Variants in CDH18 observed in about 807,000 individuals in gnomAD.
The protein encoded by CDH18 is cadherin 18, also known as cadherin-18.
A neutral mutation model predicts 67.9 loss-of-function variants in CDH18; 31 were observed. The observed-to-expected ratio is 0.46, with a 90% CI of 0.34 to 0.62. The LOEUF (loss-of-function observed/expected upper bound fraction) is 0.62. Ranked by LOEUF, CDH18 falls within the 20% of genes least tolerant of loss-of-function variation. The probability of loss-of-function intolerance (pLI) is 0.01; values close to 1 mark genes in which losing one functional copy is unlikely to be tolerated. For missense variants in CDH18, 890 were observed against 975.5 expected, an observed-to-expected ratio of 0.91 and a Z score of 1.17; for synonymous variants, 362 against 347.2, an observed-to-expected ratio of 1.04 and a Z score of -0.48.
At chr5:19,640,912 G>A (rs1279516162) in intron 5 of CDH18, among the ~76,000 whole-genome samples, 1 of 151,740 alleles carries the variant, frequency 6.6e-6, no homozygotes, top group Non-Finnish European at 1.5e-5. Context: ...TTTTGTGAAA[G>A]ATAATATTGA....
chr5:20,367,777 T>C (rs1399573851), intron 1 of CDH18, among the ~76,000 whole-genome samples: 1 of 152,244 alleles, frequency 6.6e-6, no homozygotes, highest in African/African-American at 2.4e-5. Context: ...CTGTATTCTT[T>C]TCCTTTTAGG....
intron 2 of CDH18, among the ~76,000 whole-genome samples, chr5:20,185,457 T>A (rs1442100209): frequency 6.6e-6 from 1 of 152,082 alleles, no homozygotes; most frequent in African/African-American, 2.4e-5. Flanking sequence ...AATAAAGTCC[T>A]TAGACTGTAT....
At chr5:19,977,946 T>C (rs1424447269) in intron 2 of CDH18, among the ~76,000 whole-genome samples, 4 of 152,174 alleles carry the variant, frequency 2.6e-5, no homozygotes, top group South Asian at 2.1e-4. Context: ...AATTGAGCTA[T>C]AGAATATTCT....
intron 1 of CDH18, among the ~76,000 whole-genome samples, chr5:20,435,019 A>C (rs1420591817): frequency 6.6e-6 from 1 of 152,040 alleles, no homozygotes; most frequent in Non-Finnish European, 1.5e-5. Flanking sequence ...CTATTTTAAG[A>C]AAGTAATTTT....
At chr5:19,506,078 T>G (rs1331962676) in intron 10 of CDH18, among the ~76,000 whole-genome samples, 1 of 151,802 alleles carries the variant, frequency 6.6e-6, no homozygotes, top group African/African-American at 2.4e-5. Context: ...TTTATCCATT[T>G]CAAATCAATG....
At chr5:20,517,538 T>C (rs910311081) in intron 1 of CDH18, among the ~76,000 whole-genome samples, 2 of 151,984 alleles carry the variant, frequency 1.3e-5, no homozygotes, top group African/African-American at 4.8e-5. Flanking sequence ...AGACAATTAA[T>C]TTAAATCTGA....
chr5:19,880,125 T>C (rs909144275), intron 2 of CDH18, among the ~76,000 whole-genome samples: 4 of 151,932 alleles, frequency 2.6e-5, no homozygotes, highest in African/African-American at 9.7e-5. Flanking sequence ...GAAATCATCA[T>C]GTTCAGGTAA....
intron 2 of CDH18, among the ~76,000 whole-genome samples, chr5:19,875,016 G>T (rs1206264999): frequency 6.6e-6 from 1 of 152,124 alleles, no homozygotes; most frequent in East Asian, 1.9e-4. Flanking sequence ...ATGGCTAGTG[G>T]AGTCTGAGAA....
At chr5:19,556,215 C>A (rs1293741552) in intron 8 of CDH18, among the ~76,000 whole-genome samples, 2 of 152,106 alleles carry the variant, frequency 1.3e-5, no homozygotes, top group East Asian at 1.9e-4. Flanking sequence ...AAATAAGGTT[C>A]TTTAACATCC....
chr5:19,976,198 G>A (rs1798482725), intron 2 of CDH18, among the ~76,000 whole-genome samples: 1 of 151,964 alleles, frequency 6.6e-6, no homozygotes, highest in Admixed American at 6.6e-5. Context: ...CATAAATTCT[G>A]TTTAAAAACT....
chr5:19,864,383 T>TGGGGGGA, intron 2 of CDH18, among the ~76,000 whole-genome samples: 1 of 33,312 alleles, frequency 3.0e-5, no homozygotes. Flanking sequence ...TGTTGTGTGG[T>TGGGGGGA]GGGGGGAGGG....
intron 2 of CDH18, among the ~76,000 whole-genome samples, chr5:19,947,098 A>AT (rs1795344753): frequency 6.6e-6 from 1 of 152,144 alleles, no homozygotes; most frequent in Admixed American, 6.6e-5. Context: ...CATAAAGCAT[A>AT]TATACAAAAA....
At chr5:19,540,227 C>A (rs1750039647) in intron 9 of CDH18, among the ~76,000 whole-genome samples, 3 of 152,110 alleles carry the variant, frequency 2.0e-5, no homozygotes, top group African/African-American at 2.4e-5. Context: ...AAATGATCTC[C>A]CTTGACTCCA....
intron 1 of CDH18, chr5:20,305,819 A>C (rs1736395947): frequency 4.1e-6 from 1 of 245,266 alleles, no homozygotes; most frequent in Non-Finnish European, 7.9e-6. Context: ...GGAGGAAAGA[A>C]ACGCCCCGAC....
chr5:20,128,038 C>A (rs1748972307), intron 2 of CDH18, among the ~76,000 whole-genome samples: 1 of 152,054 alleles, frequency 6.6e-6, no homozygotes, highest in Non-Finnish European at 1.5e-5. Context: ...CTGACAACCT[C>A]CTTCTAGGTC....
intron 1 of CDH18, among the ~76,000 whole-genome samples, chr5:20,389,646 T>C (rs1233946380): frequency 1.3e-5 from 2 of 152,084 alleles, no homozygotes; most frequent in Non-Finnish European, 2.9e-5. Flanking sequence ...ACTTTAAAGT[T>C]CATATGGAAC....
chr5:20,159,734 C>G (rs902896639), intron 2 of CDH18, among the ~76,000 whole-genome samples: 1 of 152,098 alleles, frequency 6.6e-6, no homozygotes, highest in African/African-American at 2.4e-5. Flanking sequence ...CCAAGTTTAA[C>G]GGTCTTTAAG....
intron 2 of CDH18, among the ~76,000 whole-genome samples, chr5:19,880,593 G>A (rs1294239384): frequency 6.6e-6 from 1 of 152,050 alleles, no homozygotes; most frequent in Non-Finnish European, 1.5e-5. Context: ...GAAGTGCTGT[G>A]AAAAATGTCA....
At chr5:20,174,496 G>T (rs546829873) in intron 2 of CDH18, among the ~76,000 whole-genome samples, 1 of 152,224 alleles carries the variant, frequency 6.6e-6, no homozygotes, top group East Asian at 1.9e-4. Flanking sequence ...AAAAATACAT[G>T]CTATTAAATC....
Sources: gnomAD v4.1 joint callset for allele counts (sites outside exome capture counted in the v4.1 genomes callset) on GRCh38, gnomAD v4.1.1 for gene constraint, MANE v1.5 for transcripts, NCBI Gene and HGNC (gene_info 2026-07-23, HGNC 2026-07-21) for gene names.